Variants in TGM7 observed in about 807,000 individuals in gnomAD.
The protein encoded by TGM7 is transglutaminase 7, also known as protein-glutamine gamma-glutamyltransferase Z.
A neutral mutation model predicts 79.5 loss-of-function variants in TGM7; 74 were observed. The observed-to-expected ratio is 0.93, with a 90% CI of 0.77 to 1.13. The LOEUF is 1.13. TGM7 is among the 50% of genes most tolerant of loss of function. The pLI, the probability that TGM7 is intolerant of heterozygous loss-of-function variation, is 0.00. For synonymous variants in TGM7, 354 were observed against 362.5 expected (o/e 0.98, Z 0.27); for missense variants, 912 against 905.9 (o/e 1.01, Z -0.09).
chr15:43,297,218 G>A (rs979039225), intron 1 of TGM7, among the ~76,000 whole-genome samples: 2 of 152,164 alleles, frequency 1.3e-5, no homozygotes, highest in African/African-American at 4.8e-5. Flanking sequence ...CACTTTGGGA[G>A]GCCGAGGCGG....
chr15:43,298,500 T>G (rs1021051400), intron 1 of TGM7, among the ~76,000 whole-genome samples: 2 of 152,208 alleles, frequency 1.3e-5, no homozygotes, highest in African/African-American at 4.8e-5. Context: ...CTCACGCCTG[T>G]AATCCCAGCA....
intron 1 of TGM7, among the ~76,000 whole-genome samples, chr15:43,297,589 G>GA (rs750706965): frequency 5.3e-5 from 7 of 132,402 alleles, no homozygotes; most frequent in Non-Finnish European, 9.5e-5. Flanking sequence ...TGCATGTATA[G>GA]AAAGAAAGAA....
At position 43,284,926 on chromosome 15, in the gene TGM7, G is replaced by C; in HGVS notation, c.892C>G (p.Arg298Gly). Residue 298 changes from arginine (R) to glycine (G), a missense_variant, in exon 7 of 13, where the codon CGT (arginine) becomes GGT (glycine). By Grantham distance (125) the Arg-to-Gly change is moderately radical (BLOSUM62 -2). Coordinates refer to ENST00000452443, the MANE Select transcript of TGM7 (RefSeq NM_052955.3). The part of the protein sequence containing the change: ...TVMRCLGVPT[R>G]VVSNFRSAHN... ...GCGGAACGGAAATTGGAAACAACAC[G>C]GGTTGGAACACCTAAGCATCTCATT... 1 of 1,614,168 alleles carries C rather than the reference G, an allele frequency of 6.2e-7. No individual in the cohort carries two copies. The highest frequency in any genetic ancestry group is 8.5e-7 in the Non-Finnish European group (1 of 1,180,018).
intron 1 of TGM7, among the ~76,000 whole-genome samples, chr15:43,297,589 G>GAAAGAAAGAAAGA (rs1566847960): frequency 7.6e-6 from 1 of 132,402 alleles, no homozygotes; most frequent in African/African-American, 3.1e-5. Flanking sequence ...TGCATGTATA[G>GAAAGAAAGAAAGA]AAAGAAAGAA....
intron 7 of TGM7, among the ~76,000 whole-genome samples, chr15:43,283,000 A>C (rs1218425182): frequency 6.6e-6 from 1 of 152,198 alleles, no homozygotes; most frequent in South Asian, 2.1e-4. Context: ...CAGTGAGCCA[A>C]GATGGCACCG....
In TGM7 at chr15:43,276,420, C is replaced by G; in HGVS notation, c.*35G>C. On this transcript the variant is annotated 3_prime_UTR_variant, in exon 13 of 13. Coordinates refer to ENST00000452443, the MANE Select transcript of TGM7 (RefSeq NM_052955.3). ...AGGAGTAGAAAGGAGCCAGGTGGGGCAGGGGTGCCAGGGAGGGCAGCTGGA... is the reference window on the plus strand; with the variant it reads ...AGGAGTAGAAAGGAGCCAGGTGGGGGAGGGGTGCCAGGGAGGGCAGCTGGA... 1 of 1,593,504 alleles carries G rather than the reference C, an allele frequency of 6.3e-7. No homozygotes were observed. Among genetic ancestry groups the G allele is most frequent in the Non-Finnish European group, 8.6e-7 (1 of 1,169,446 alleles).
At chr15:43,297,722 C>T (rs955999856) in intron 1 of TGM7, among the ~76,000 whole-genome samples, 9 of 152,212 alleles carry the variant, frequency 5.9e-5, no homozygotes, top group Non-Finnish European at 1.0e-4. Flanking sequence ...ACACCAAAAC[C>T]CAAGACAGCC....
intron 11 of TGM7, among the ~76,000 whole-genome samples, chr15:43,278,711 C>T (rs919150413): frequency 3.3e-5 from 5 of 152,212 alleles, no homozygotes; most frequent in Non-Finnish European, 5.9e-5. Context: ...GCCTTGGCCT[C>T]CCAAAGCACT....
chr15:43,292,900 A>G lies in TGM7; in HGVS notation c.248T>C (p.Val83Ala), dbSNP rs780120245. The G allele has an allele frequency of 5.6e-6, 9 of 1,613,770 alleles. No individual in the cohort carries two copies. Among genetic ancestry groups the G allele is most frequent in the Non-Finnish European group, 7.6e-6 (9 of 1,179,930 alleles). Residue 83 changes from valine (V) to alanine (A), a missense_variant, in exon 3 of 13, where the codon GTC becomes GCC. Coordinates refer to ENST00000452443, the MANE Select transcript of TGM7 (RefSeq NM_052955.3). ...AGCGCTCCAGACATTCCCGGGCTGG[A>G]CCCGGGTGAGGAAGAATGTGGCTCG... ...GTRATFFLTR[V>A]QPGNVWSASD...
chr15:43,298,704 G>A (rs950127191), intron 1 of TGM7, among the ~76,000 whole-genome samples: 1 of 152,074 alleles, frequency 6.6e-6, no homozygotes, highest in Non-Finnish European at 1.5e-5. Context: ...AGTGAGCCAA[G>A]ATCGGGCCAC....
At chr15:43,293,389 ACT>A in intron 2 of TGM7, 58 bp downstream of exon 2, 1 of 1,516,762 alleles carries the variant, frequency 6.6e-7, no homozygotes, top group Non-Finnish European at 8.9e-7. Flanking sequence ...CCGCAGGCAG[ACT>A]CTGTAAATGC....
At chr15:43,276,812 A>G in intron 12 of TGM7, 50 bp downstream of exon 12, 2 of 1,599,516 alleles carry the variant, frequency 1.3e-6, no homozygotes, top group South Asian at 1.1e-5. Flanking sequence ...GCCATGGGGC[A>G]CCCCTTTCCT....
chr15:43,292,088 A>C lies in TGM7; in HGVS notation c.449T>G (p.Val150Gly). The C allele has an allele frequency of 6.2e-7, 1 of 1,613,628 alleles. No individual in the cohort carries two copies. The highest frequency in any genetic ancestry group is 8.5e-7 in the Non-Finnish European group (1 of 1,179,702). ...LFNPWSPEDDVYLPSEILLQE... is the reference protein window; with the variant it reads ...LFNPWSPEDDGYLPSEILLQE... Reference sequence around the variant, plus strand: ...CAGCAGTATTTCACTTGGCAGGTAGACGTCGTCCTCTGAGCAGTTAAGAGT... The same window carrying C: ...CAGCAGTATTTCACTTGGCAGGTAGCCGTCGTCCTCTGAGCAGTTAAGAGT... The change falls in exon 4 of 13, where the codon GTC becomes GGC. Residue 150 changes from valine to glycine, a missense_variant. Physicochemically the swap from Val to Gly is moderately radical, Grantham distance 109. Transcript: ENST00000452443.
intron 1 of TGM7, among the ~76,000 whole-genome samples, chr15:43,300,225 TAA>T (rs1388027267): frequency 6.6e-6 from 1 of 152,234 alleles, no homozygotes; most frequent in African/African-American, 2.4e-5. Flanking sequence ...TAGTTAATAC[TAA>T]GTTTTATGGA....
intron 10 of TGM7, 48 bp from the exon 11 acceptor site, chr15:43,279,325 G>C: frequency 3.2e-6 from 5 of 1,582,956 alleles, no homozygotes; most frequent in Non-Finnish European, 4.3e-6. Flanking sequence ...GGACCAGAGA[G>C]AGGGGGGACA....
chr15:43,285,067 C>A, intron 6 of TGM7, 115 bp from the exon 7 acceptor site: 2 of 1,166,234 alleles, frequency 1.7e-6, no homozygotes, highest in Non-Finnish European at 1.2e-6. Context: ...GCTTACGGAA[C>A]CACACCAGTA....
rs761821797 is a variant in TGM7 at position 43,276,449 on chromosome 15, C to A, written c.*6G>T. On this transcript the variant is annotated 3_prime_UTR_variant, in exon 13 of 13. Transcript: ENST00000452443. ...GGTGCCAGGGAGGGCAGCTGGAGGGCGGGTCTCAGGGAGCCCCAGCCACAG... is the reference window on the plus strand; with the variant it reads ...GGTGCCAGGGAGGGCAGCTGGAGGGAGGGTCTCAGGGAGCCCCAGCCACAG... The A allele has an allele frequency of 6.2e-7, 1 of 1,608,218 alleles. No individual in the cohort carries two copies. The highest frequency in any genetic ancestry group is 8.5e-7 in the Non-Finnish European group (1 of 1,176,956).
At position 43,293,647 on chromosome 15, in the gene TGM7, G is replaced by A; in HGVS notation, c.11-16C>T. On this transcript the variant is annotated splice_polypyrimidine_tract_variant and intron_variant, in intron 1 of 12. Transcript: ENST00000452443. Reference sequence around the variant, plus strand: ...AAGGTTGCCACTAGGGGAGAGGAGGGGACAGGTCACGCCCACCTGCAGTCC... The same window carrying A: ...AAGGTTGCCACTAGGGGAGAGGAGGAGACAGGTCACGCCCACCTGCAGTCC... The A allele has an allele frequency of 1.3e-6, 2 of 1,585,224 alleles. No homozygotes were observed. The highest frequency in any genetic ancestry group is 2.3e-5 in the East Asian group (1 of 44,266).
At chr15:43,295,809 G>A (rs916255533) in intron 1 of TGM7, among the ~76,000 whole-genome samples, 7 of 152,204 alleles carry the variant, frequency 4.6e-5, no homozygotes, top group African/African-American at 1.7e-4. Context: ...CTTTTGTAAG[G>A]TAGATTCAAC....
Sources: allele counts gnomAD v4.1 joint callset (sites outside exome capture counted in the v4.1 genomes callset), GRCh38; gene constraint gnomAD v4.1.1; transcripts MANE v1.5; gene names NCBI Gene and HGNC (gene_info 2026-07-23, HGNC 2026-07-21).